The following AKAP6 variants were observed in gnomAD, a reference collection of about 807,000 sequenced individuals.
The protein encoded by AKAP6 is A-kinase anchor protein 6.
A neutral mutation model predicts 188.5 loss-of-function variants in AKAP6; 58 were observed. That is an observed-to-expected ratio of 0.31 (90% confidence interval 0.25 to 0.38). The LOEUF is 0.38. AKAP6 is among the 10% of genes least tolerant of loss of function. The pLI, the probability that AKAP6 is intolerant of heterozygous loss-of-function variation, is 1.00. For synonymous variants in AKAP6, 989 were observed against 998.6 expected (o/e 0.99, Z 0.18); for missense variants, 2,710 against 2,740.0 (o/e 0.99, Z 0.24).
At chr14:32,423,214 G>A (rs1477650287) in intron 1 of AKAP6, among the ~76,000 whole-genome samples, 1 of 152,098 alleles carries the variant, frequency 6.6e-6, no homozygotes, top group East Asian at 1.9e-4. Context: ...TTGTCACCCA[G>A]GCTGGAATAC....
At chr14:32,813,124 C>G (rs976867789) in intron 12 of AKAP6, among the ~76,000 whole-genome samples, 25 of 152,184 alleles carry the variant, frequency 1.6e-4, no homozygotes, top group African/African-American at 5.5e-4. Context: ...TTCCCACAAC[C>G]CTTCCTTAGG....
At chr14:32,599,337 G>A (rs1594773340) in intron 5 of AKAP6, 73 bp from the exon 6 acceptor site, 2 of 1,259,052 alleles carry the variant, frequency 1.6e-6, no homozygotes, top group South Asian at 1.3e-5. Flanking sequence ...ATAAAAAGTA[G>A]CAAGTAATTT....
chr14:32,695,900 T>TCA, intron 8 of AKAP6, 90 bp from the exon 9 acceptor site: 1 of 1,419,106 alleles, frequency 7.0e-7, no homozygotes, highest in Non-Finnish European at 9.4e-7. Context: ...ACTAGAAACA[T>TCA]CATGGGTTTT....
At chr14:32,344,919 A>AT (rs1241884127) in intron 1 of AKAP6, among the ~76,000 whole-genome samples, 2 of 150,026 alleles carry the variant, frequency 1.3e-5, no homozygotes, top group East Asian at 3.9e-4. Flanking sequence ...CTGTCTTAAA[A>AT]AAAAAAAAAA....
At chr14:32,447,865 T>C (rs963474719) in intron 2 of AKAP6, among the ~76,000 whole-genome samples, 2 of 152,206 alleles carry the variant, frequency 1.3e-5, no homozygotes, top group Non-Finnish European at 2.9e-5. Context: ...GTGGGAGTCT[T>C]GGTTTCAAAG....
At chr14:32,744,954 A>T (rs897181449) in intron 11 of AKAP6, among the ~76,000 whole-genome samples, 1 of 152,026 alleles carries the variant, frequency 6.6e-6, no homozygotes, top group Admixed American at 6.6e-5. Context: ...TTTCTGCATG[A>T]TTCTTTTTAA....
At chr14:32,811,036 G>A (rs1286730737) in intron 12 of AKAP6, among the ~76,000 whole-genome samples, 6 of 151,816 alleles carry the variant, frequency 4.0e-5, no homozygotes, top group Non-Finnish European at 5.9e-5. Flanking sequence ...TCAGGAGATC[G>A]AGACCATCCT....
chr14:32,551,860 G>T (rs1473387584), intron 4 of AKAP6, among the ~76,000 whole-genome samples: 1 of 151,404 alleles, frequency 6.6e-6, no homozygotes, highest in Admixed American at 6.6e-5. Context: ...TAGAGATGGG[G>T]TTTCACCGTG....
At position 32,533,852 on chromosome 14, in the gene AKAP6, A is replaced by AT. The variant is rs554873118; in HGVS notation, c.325-1696dup. Among the ~76,000 whole-genome samples, 404 of 152,156 alleles carry AT rather than the reference A, an allele frequency of 2.7e-3. 2 individuals carry two copies. The highest frequency in any genetic ancestry group is 8.7e-3 in the African/African-American group (363 of 41,500). On this transcript the variant is annotated intron_variant, in intron 2 of 13. Transcript: ENST00000280979. ...TTGGTTCCCATGCACTGGCTAATAG[A>AT]TTTTTTGCCCTAAATTTCTTTTGGA...
chr14:32,402,955 C>T (rs960342576), intron 1 of AKAP6: 1 of 152,236 alleles, frequency 6.6e-6, no homozygotes, highest in Non-Finnish European at 1.5e-5. Context: ...TGGTCTAGAA[C>T]TCCTGACCTC....
At chr14:32,409,026 C>A (rs4981961) in intron 1 of AKAP6, among the ~76,000 whole-genome samples, 94,384 of 151,890 alleles carry the variant, frequency 0.62, 31,661 homozygotes, top group Non-Finnish European at 0.75. Flanking sequence ...ATGGTGAAAC[C>A]CTGTCTCTAC....
chr14:32,817,522 T>C (rs1319806579), intron 12 of AKAP6, among the ~76,000 whole-genome samples: 3 of 149,498 alleles, frequency 2.0e-5, no homozygotes, highest in African/African-American at 7.5e-5. Flanking sequence ...TGTGTGTGTG[T>C]AATTATTTAT....
At chr14:32,697,979 G>A (rs1416338139) in intron 9 of AKAP6, among the ~76,000 whole-genome samples, 4 of 152,034 alleles carry the variant, frequency 2.6e-5, no homozygotes, top group Admixed American at 2.0e-4. Context: ...CTGCTTTTAG[G>A]TGCTTAACAT....
intron 1 of AKAP6, among the ~76,000 whole-genome samples, chr14:32,359,568 T>TG (rs1887593014): frequency 1.3e-5 from 2 of 151,830 alleles, no homozygotes. Context: ...TAGACTTTTT[T>TG]TTTTTTTTCA....
chr14:32,810,254 G>A (rs1566727504), intron 12 of AKAP6, among the ~76,000 whole-genome samples: 1 of 147,814 alleles, frequency 6.8e-6, no homozygotes, highest in Non-Finnish European at 1.5e-5. Flanking sequence ...CCTAATGCTC[G>A]TTTTTTTTTT....
intron 11 of AKAP6, among the ~76,000 whole-genome samples, chr14:32,742,541 A>T (rs996130991): frequency 2.0e-5 from 3 of 151,962 alleles, no homozygotes; most frequent in African/African-American, 7.2e-5. Flanking sequence ...CTTTTACTGT[A>T]TCCCATAGGT....
At position 32,347,841 on chromosome 14, in the gene AKAP6, G is replaced by A. The variant is rs570782519; in HGVS notation, c.-35+18433G>A. Among the ~76,000 whole-genome samples the A allele has an allele frequency of 2.6e-5, 4 of 152,368 alleles. No homozygotes were observed. In the South Asian group the frequency reaches 8.3e-4, roughly 32 times the overall value. ...AAAAAGTAAGGAATCTGTGTCTTCT[G>A]TTGACCTGGTTCCTCCTGTAATTCT... is the stretch of plus-strand genomic sequence containing the variant. On this transcript the variant is annotated intron_variant, in intron 1 of 13. Coordinates refer to ENST00000280979, the MANE Select transcript of AKAP6 (RefSeq NM_004274.5).
At chr14:32,550,962 C>A (rs1357387508) in intron 4 of AKAP6, among the ~76,000 whole-genome samples, 1 of 152,114 alleles carries the variant, frequency 6.6e-6, no homozygotes, top group Non-Finnish European at 1.5e-5. Context: ...CAGAGTGATC[C>A]TTTTAAAAGA....
intron 5 of AKAP6, among the ~76,000 whole-genome samples, chr14:32,593,061 C>CAG (rs1209571604): frequency 2.1e-5 from 3 of 144,044 alleles, no homozygotes; most frequent in African/African-American, 7.7e-5. Flanking sequence ...CACACACACA[C>CAG]AGCTGTGAGC....
Sources: allele counts gnomAD v4.1 joint callset (sites outside exome capture counted in the v4.1 genomes callset), GRCh38; gene constraint gnomAD v4.1.1; transcripts MANE v1.5; gene names NCBI Gene and HGNC (gene_info 2026-07-23, HGNC 2026-07-21).